SRBD1: variants seen among roughly 807,000 people sequenced by gnomAD.
SRBD1 encodes S1 RNA binding domain 1.
A neutral mutation model predicts 115.3 loss-of-function variants in SRBD1; 88 were observed. That is an observed-to-expected ratio of 0.76 (90% CI 0.64 to 0.91). The LOEUF (loss-of-function observed/expected upper bound fraction) is 0.91. Among genes scored for constraint, SRBD1 ranks in the 40% least tolerant of loss-of-function variants. The pLI, the probability that SRBD1 is intolerant of heterozygous loss-of-function variation, is 0.00. For missense variants in SRBD1, 1,385 were observed against 1,177.4 expected, an observed-to-expected ratio of 1.18 and a Z score of -2.58; for synonymous variants, 509 against 407.7, an observed-to-expected ratio of 1.25 and a Z score of -2.99.
intron 16 of SRBD1, chr2:45,448,102 T>A (rs1230633736): frequency 1.3e-5 from 2 of 152,168 alleles, no homozygotes. Flanking sequence ...TTATTACTGG[T>A]TAAAGACTTC....
At chr2:45,510,580 C>T (rs1670936341) in intron 14 of SRBD1, among the ~76,000 whole-genome samples, 1 of 152,172 alleles carries the variant, frequency 6.6e-6, no homozygotes, top group Admixed American at 6.6e-5. Context: ...TTATAAAGTG[C>T]TGTTTCAAAG....
chr2:45,594,094 A>T lies in SRBD1; in HGVS notation c.648+5355T>A, dbSNP rs572980763. ...TTAACAAAAAGTACCAATTTCTCTT[A>T]TTTAATTTCTCCTGGACAAATAGGT... On this transcript the variant is annotated intron_variant, in intron 4 of 20. Coordinates refer to ENST00000263736, the MANE Select transcript of SRBD1 (RefSeq NM_018079.5). 5.4e-4 allele frequency among the ~76,000 whole-genome samples: 82 copies of T among 152,210 alleles called. 1 individual carries two copies. The highest frequency in any genetic ancestry group is 4.6e-4 in the Admixed American group (7 of 15,276).
intron 9 of SRBD1, among the ~76,000 whole-genome samples, chr2:45,564,560 A>AC (rs1672768005): frequency 6.6e-6 from 1 of 152,256 alleles, no homozygotes. Context: ...AAGTTGCAGA[A>AC]CACAAGCTCA....
chr2:45,585,839 T>G, intron 4 of SRBD1, 65 bp from the exon 5 acceptor site: 1 of 1,305,242 alleles, frequency 7.7e-7, no homozygotes, highest in Non-Finnish European at 1.0e-6. Context: ...CATGTATAAT[T>G]TAAAACATAG....
chr2:45,453,494 A>G lies in SRBD1; in HGVS notation c.2049+23499T>C, dbSNP rs1454117202. Among the ~76,000 whole-genome samples, 3 of 151,964 alleles carry G rather than the reference A, an allele frequency of 2.0e-5. No individual in the cohort carries two copies. In the East Asian group the frequency reaches 5.8e-4, roughly 29 times the overall value. On this transcript the variant is annotated intron_variant, in intron 16 of 20. Coordinates refer to ENST00000263736, the MANE Select transcript of SRBD1 (RefSeq NM_018079.5). Reference sequence around the variant, plus strand: ...TAAGTTTGTTATTAACAAACAAATTACATTACTTTTAATCACTCCAGGGAA... The same window carrying G: ...TAAGTTTGTTATTAACAAACAAATTGCATTACTTTTAATCACTCCAGGGAA...
At chr2:45,539,003 G>T (rs995096280) in intron 14 of SRBD1, among the ~76,000 whole-genome samples, 1 of 151,828 alleles carries the variant, frequency 6.6e-6, no homozygotes, top group Non-Finnish European at 1.5e-5. Flanking sequence ...AGAACTAAAA[G>T]AAACAAGTAA....
intron 19 of SRBD1, among the ~76,000 whole-genome samples, chr2:45,397,866 T>A (rs1667190500): frequency 6.6e-6 from 1 of 152,218 alleles, no homozygotes; most frequent in Admixed American, 6.5e-5. Flanking sequence ...CCCAAAGTGC[T>A]GGGATAACAG....
intron 10 of SRBD1, among the ~76,000 whole-genome samples, chr2:45,561,189 T>C (rs749760949): frequency 2.6e-5 from 4 of 152,230 alleles, no homozygotes; most frequent in Non-Finnish European, 5.9e-5. Context: ...AGTGAAATCA[T>C]ACTATAAATA....
intron 17 of SRBD1, among the ~76,000 whole-genome samples, chr2:45,419,498 G>C (rs148715921): frequency 2.0e-5 from 3 of 152,290 alleles, no homozygotes; most frequent in African/African-American, 7.2e-5. Context: ...GTGGGAAACA[G>C]CTCTTTTCCA....
chr2:45,416,790 T>G (rs1209652313), intron 18 of SRBD1, among the ~76,000 whole-genome samples: 1 of 152,200 alleles, frequency 6.6e-6, no homozygotes, highest in Non-Finnish European at 1.5e-5. Context: ...TTTGCTTGTT[T>G]TTGAGACAGA....
At chr2:45,505,341 C>A (rs1035201414) in intron 14 of SRBD1, among the ~76,000 whole-genome samples, 1 of 152,152 alleles carries the variant, frequency 6.6e-6, no homozygotes, top group Non-Finnish European at 1.5e-5. Context: ...GCCTAGAGAG[C>A]ACATTCTGAA....
intron 16 of SRBD1, among the ~76,000 whole-genome samples, chr2:45,426,020 G>C (rs1344241197): frequency 2.0e-5 from 3 of 152,066 alleles, no homozygotes; most frequent in South Asian, 2.1e-4. Flanking sequence ...CTCCTGGAAA[G>C]GGGGCTGGAG....
intron 19 of SRBD1, among the ~76,000 whole-genome samples, chr2:45,397,422 C>T (rs777486224): frequency 3.8e-4 from 58 of 152,038 alleles, no homozygotes; most frequent in Non-Finnish European, 6.0e-4. Context: ...GTGTGGCAAA[C>T]GAGGAAAACC....
chr2:45,559,358 TG>T (rs2104091197), intron 10 of SRBD1, among the ~76,000 whole-genome samples: 1 of 152,344 alleles, frequency 6.6e-6, no homozygotes, highest in African/African-American at 2.4e-5. Context: ...CTTCATTCCA[TG>T]TCACTTCTCT....
At chr2:45,467,978 A>C (rs1332669234) in intron 16 of SRBD1, among the ~76,000 whole-genome samples, 4 of 152,162 alleles carry the variant, frequency 2.6e-5, no homozygotes, top group African/African-American at 9.7e-5. Context: ...ACAGAGTATA[A>C]GCAACACCAA....
chr2:45,590,038 A>G (rs1381134633), intron 4 of SRBD1, among the ~76,000 whole-genome samples: 1 of 152,260 alleles, frequency 6.6e-6, no homozygotes, highest in Non-Finnish European at 1.5e-5. Flanking sequence ...CCAGGCAGCT[A>G]AACAGGGAGG....
intron 19 of SRBD1, among the ~76,000 whole-genome samples, chr2:45,410,428 C>T (rs934574091): frequency 6.6e-6 from 1 of 152,118 alleles, no homozygotes; most frequent in African/African-American, 2.4e-5. Context: ...AAAAACTGCG[C>T]AAGAATATTC....
chr2:45,433,117 G>A (rs561529196), intron 16 of SRBD1, among the ~76,000 whole-genome samples: 18 of 152,124 alleles, frequency 1.2e-4, no homozygotes, highest in East Asian at 3.9e-4. Flanking sequence ...TTTACTCAGC[G>A]ACCATCATCC....
At chr2:45,393,884 T>C (rs1335471972) in intron 19 of SRBD1, among the ~76,000 whole-genome samples, 2 of 152,232 alleles carry the variant, frequency 1.3e-5, no homozygotes, top group Non-Finnish European at 2.9e-5. Context: ...TATTCATGTG[T>C]CCTATCACTG....
Sources: allele counts gnomAD v4.1 joint callset (sites outside exome capture counted in the v4.1 genomes callset), GRCh38; gene constraint gnomAD v4.1.1; transcripts MANE v1.5; gene names NCBI Gene and HGNC (gene_info 2026-07-23, HGNC 2026-07-21).